The following DAB2IP variants were observed in gnomAD, a reference collection of about 807,000 sequenced individuals.
DAB2IP encodes the protein DAB2 interacting protein.
In DAB2IP, 28 loss-of-function variants were observed where a neutral mutation model predicts 107.2. The ratio of observed to expected loss-of-function variants is 0.26; its 90% CI spans 0.19 to 0.36. DAB2IP has a LOEUF of 0.36. DAB2IP is among the 10% of genes least tolerant of loss of function. The pLI is 1.00. For missense variants in DAB2IP, 1,400 were observed against 1,644.7 expected (o/e 0.85, Z 2.57); for synonymous variants, 755 against 706.4 (o/e 1.07, Z -1.09).
Position 121,735,299 on chromosome 9 carries a change from G to C in DAB2IP, c.363-21714G>C, listed in dbSNP as rs534796614. On this transcript the variant is annotated intron_variant, in intron 3 of 15. Coordinates refer to ENST00000408936, the Ensembl canonical transcript of DAB2IP. Reference sequence around the variant, plus strand: ...CGGCAGAGCTGAGCCTGGAGCCTAGGGCCCAGCAGGGGATGGAATGAGTCA... The same window carrying C: ...CGGCAGAGCTGAGCCTGGAGCCTAGCGCCCAGCAGGGGATGGAATGAGTCA... 3.3e-5 allele frequency among the ~76,000 whole-genome samples: 5 copies of C among 152,278 alleles called. No individual in the cohort carries two copies. In the South Asian group the frequency reaches 1.0e-3, roughly 32 times the overall value.
In DAB2IP at chr9:121,782,817, C is replaced by T; in HGVS notation, c.*319C>T. 1.7e-6 allele frequency: 2 copies of T among 1,165,530 alleles called. No individual in the cohort carries two copies. The allele number at this position is 1,165,530 out of a possible 1,614,324, so 72.2% of individuals were successfully genotyped here. A position where few individuals can be genotyped will look rare whatever the true frequency, so the allele number is the denominator to read the frequency against. ...GTTCCTGAATGTGGTGTGTCCTTGT[C>T]CTCCTGGATCTGGCCGAGTGCATGT... On this transcript the variant is annotated 3_prime_UTR_variant, in exon 16 of 16. Coordinates refer to ENST00000408936, the Ensembl canonical transcript of DAB2IP. This position sits in a 1 kb window ranked among gnomAD's most constrained non-coding sequence, Gnocchi z 6.1.
intron 1 of DAB2IP, among the ~76,000 whole-genome samples, chr9:121,631,959 A>T (rs1436402215): frequency 2.0e-5 from 3 of 151,134 alleles, no homozygotes; most frequent in Admixed American, 6.6e-5. Flanking sequence ...ATGGGAGAGG[A>T]TGGGCGGGAG....
At chr9:121,642,057 T>C (rs140446932) in intron 1 of DAB2IP, among the ~76,000 whole-genome samples, 8,115 of 99,766 alleles carry the variant, frequency 0.081, 1,258 homozygotes, top group African/African-American at 0.27. Flanking sequence ...CTTTCTTTCT[T>C]TCTTTCTTTC....
chr9:121,584,438 G>A (rs1830271915), intron 1 of DAB2IP, among the ~76,000 whole-genome samples: 1 of 151,968 alleles, frequency 6.6e-6, no homozygotes, highest in South Asian at 2.1e-4. Flanking sequence ...TAAAATGGGA[G>A]TTCCATGGCT....
At chr9:121,722,841 T>TGGC (rs1564179711) in intron 3 of DAB2IP, among the ~76,000 whole-genome samples, 4 of 152,158 alleles carry the variant, frequency 2.6e-5, no homozygotes, top group Non-Finnish European at 5.9e-5. Flanking sequence ...ATTGCAAGTA[T>TGGC]AGAGTACCAA....
chr9:121,651,847 C>T lies in DAB2IP; in HGVS notation c.72C>T (p.Pro24=). 3.4e-6 allele frequency: 5 copies of T among 1,469,238 alleles called. No individual in the cohort carries two copies. The highest frequency in any genetic ancestry group is 4.5e-6 in the Non-Finnish European group (5 of 1,108,086). The allele number at this position is 1,469,238 out of a possible 1,614,324, so 91.0% of individuals were successfully genotyped here. Residue 24 remains proline, a synonymous_variant, in exon 1 of 16, where the codon CCC becomes CCT. Transcript: ENST00000408936. The surrounding 1 kb of genome is among the most constrained non-coding windows in gnomAD (Gnocchi z 5.1). ...ACTACTACCGGCTGCTGAGGCGGCC[C>T]CGGCTGCAGCGACAGAGGAGCCGCT...
At chr9:121,578,780 A>G (rs112544457) in intron 1 of DAB2IP, among the ~76,000 whole-genome samples, 1,896 of 110,706 alleles carry the variant, frequency 0.017, 36 homozygotes, top group African/African-American at 0.056. Flanking sequence ...TTGCTCTGTC[A>G]CCCAGGCTGG....
chr9:121,773,561 A>C, intron 12 of DAB2IP, 66 bp downstream of exon 12: 2 of 1,364,410 alleles, frequency 1.5e-6, no homozygotes, highest in South Asian at 2.1e-5. Context: ...CATACCCCAT[A>C]CCATGCTCCT....
intron 1 of DAB2IP, among the ~76,000 whole-genome samples, chr9:121,628,062 C>T (rs1831731774): frequency 6.6e-6 from 1 of 152,258 alleles, no homozygotes; most frequent in South Asian, 2.1e-4. Context: ...AAGAACGACA[C>T]TGCTGTTATT....
intron 2 of DAB2IP, among the ~76,000 whole-genome samples, chr9:121,683,537 A>G (rs1223336973): frequency 6.6e-6 from 1 of 152,208 alleles, no homozygotes; most frequent in Non-Finnish European, 1.5e-5. Context: ...AGCTGAAATT[A>G]GGTCTCAGGG....
intron 5 of DAB2IP, among the ~76,000 whole-genome samples, chr9:121,759,350 G>T (rs893970170): frequency 2.6e-5 from 4 of 152,124 alleles, no homozygotes; most frequent in Admixed American, 1.3e-4. Context: ...CCTCCTCCAG[G>T]TGAGGACCCC....
At chr9:121,587,866 T>C (rs1394193644) in intron 1 of DAB2IP, among the ~76,000 whole-genome samples, 1 of 152,132 alleles carries the variant, frequency 6.6e-6, no homozygotes, top group Non-Finnish European at 1.5e-5. Flanking sequence ...GTGTCCCAAA[T>C]ATTGCATAGG....
rs920770463 is a variant in DAB2IP, at chr9:121,579,050, TG to T, written c.40+11827del. ...CAGTCCTCTCGGGTGAGGCTCTGGT[TG>T]GGGGTAGGTCAGGGCAGGGTCCCTG... On this transcript the variant is annotated intron_variant, in intron 1 of 16. Coordinates refer to the DAB2IP transcript ENST00000259371. Among the ~76,000 whole-genome samples the T allele has an allele frequency of 3.3e-5, 5 of 152,164 alleles. No homozygotes were observed. The East Asian group carries it at 9.7e-4, about 30-fold the overall frequency.
intron 1 of DAB2IP, among the ~76,000 whole-genome samples, chr9:121,624,858 A>G (rs537143): frequency 0.97 from 147,811 of 152,360 alleles, 71,894 homozygotes; most frequent in East Asian, 1. Context: ...AGGAACGTAC[A>G]TGAAGCATTT....
chr9:121,715,577 T>A (rs1830557918), intron 3 of DAB2IP, among the ~76,000 whole-genome samples: 1 of 152,130 alleles, frequency 6.6e-6, no homozygotes, highest in South Asian at 2.1e-4. Flanking sequence ...ATGGTGTCGA[T>A]CTCCTGACCT....
intron 2 of DAB2IP, among the ~76,000 whole-genome samples, chr9:121,689,788 T>C (rs1829072646): frequency 6.6e-6 from 1 of 152,140 alleles, no homozygotes; most frequent in Admixed American, 6.5e-5. Flanking sequence ...TGCAAATGGG[T>C]CACCAGGGAG....
At chr9:121,650,023 G>T (rs574062587), upstream of DAB2IP, among the ~76,000 whole-genome samples, 63 of 152,292 alleles carry the variant, frequency 4.1e-4, no homozygotes, top group South Asian at 1.0e-3. Context: ...TTGTTTGTTT[G>T]TTTGTTTTAG....
At chr9:121,756,859 C>A (rs1196916429) in intron 3 of DAB2IP, among the ~76,000 whole-genome samples, 154 bp from the exon 4 acceptor site, 2 of 152,240 alleles carry the variant, frequency 1.3e-5, no homozygotes, top group East Asian at 3.8e-4. Context: ...TGTGACAGCC[C>A]TGCCCCCAGA....
intron 1 of DAB2IP, among the ~76,000 whole-genome samples, chr9:121,629,564 G>C (rs183142084): frequency 1.3e-5 from 2 of 152,348 alleles, no homozygotes; most frequent in East Asian, 3.9e-4. Flanking sequence ...TTACCTGTCA[G>C]CTTTGCTCTT....
Sources: gnomAD v4.1 joint callset for allele counts (sites outside exome capture counted in the v4.1 genomes callset) on GRCh38, gnomAD v4.1.1 for gene constraint, Gnocchi (gnomAD v3.1) non-coding constraint, MANE v1.5 for transcripts, NCBI Gene and HGNC (gene_info 2026-07-23, HGNC 2026-07-21) for gene names.